Variants in BRCA2 observed in about 807,000 individuals in gnomAD.
BRCA2 encodes breast cancer type 2 susceptibility protein.
In BRCA2, 203 loss-of-function variants were observed where a neutral mutation model predicts 276.7. That is an observed-to-expected ratio of 0.73 (90% confidence interval 0.65 to 0.82). The LOEUF is 0.82. BRCA2 is among the 40% of genes least tolerant of loss of function. The pLI is 0.00. For synonymous variants in BRCA2, 1,289 were observed against 1,338.4 expected, an observed-to-expected ratio of 0.96 and a Z score of 0.81; for missense variants, 3,920 against 3,915.0, an observed-to-expected ratio of 1.00 and a Z score of -0.03.
intron 18 of BRCA2, 137 bp downstream of exon 18, chr13:32,363,670 A>C: frequency 1.1e-6 from 1 of 873,460 alleles, no homozygotes; most frequent in South Asian, 1.8e-5. Flanking sequence ...TAAAAAGCAT[A>C]TTCTTCAGAC....
intron 2 of BRCA2, 59 bp downstream of exon 2, chr13:32,316,586 T>C: frequency 6.7e-7 from 1 of 1,493,618 alleles, no homozygotes; most frequent in Non-Finnish European, 9.2e-7. Context: ...TTCTAAAAAA[T>C]GCTTGCTAAA....
rs2137499081 is a variant in BRCA2 at position 32,338,047 on chromosome 13, C to T, written c.3692C>T (p.Thr1231Ile). The change falls in exon 11 of 27, where the codon ACT (threonine) becomes ATT (isoleucine). Residue 1231 changes from threonine (T) to isoleucine (I), a missense_variant. This residue lies in a region of BRCA2 where 3,263 missense variants were observed against 3,156.9 expected (regional missense o/e 1.03). Transcript: ENST00000380152. ...SAHGTKLNVS[T>I]EALQKAVKLF... ...CATGGCACAAAACTGAATGTTTCTA[C>T]TGAAGCTCTGCAAAAAGCTGTGAAA... 6.2e-7 allele frequency: 1 copy of T among 1,611,676 alleles called. No individual in the cohort carries two copies. The highest frequency in any genetic ancestry group is 8.5e-7 in the Non-Finnish European group (1 of 1,178,888).
At chr13:32,315,843 G>A (rs1176456443) in intron 1 of BRCA2, among the ~76,000 whole-genome samples, 176 bp downstream of exon 1, 2 of 152,184 alleles carry the variant, frequency 1.3e-5, no homozygotes, top group Non-Finnish European at 2.9e-5. Flanking sequence ...TTTTCGCCAA[G>A]CAAATTCGAG....
At chr13:32,395,626 C>G (rs1455346349) in intron 25 of BRCA2, among the ~76,000 whole-genome samples, 1 of 152,138 alleles carries the variant, frequency 6.6e-6, no homozygotes, top group Admixed American at 6.6e-5. Flanking sequence ...AGAACCCAGA[C>G]TAGGAACTGC....
rs80359033 is a variant in BRCA2, at chr13:32,363,199, G to C, written c.7997G>C (p.Arg2666Thr). 1 of 1,613,634 alleles carries C rather than the reference G, an allele frequency of 6.2e-7. No homozygotes were observed. The highest frequency in any genetic ancestry group is 8.5e-7 in the Non-Finnish European group (1 of 1,179,874). The stretch of plus-strand genomic sequence containing the variant: ...TTTAGATATGATACGGAAATTGATA[G>C]AAGCAGAAGATCGGCTATAAAAAAG... ...LKYRYDTEIDRSRRSAIKKIM... is the reference protein window; with the variant it reads ...LKYRYDTEIDTSRRSAIKKIM... Residue 2666 changes from arginine to threonine, a missense_variant, in exon 18 of 27, where the codon AGA (arginine) becomes ACA (threonine). By Grantham distance (71) the Arg-to-Thr change is moderately conservative. Coordinates refer to ENST00000380152, the MANE Select transcript of BRCA2 (RefSeq NM_000059.4).
chr13:32,377,002 GA>G (rs1157713387), intron 21 of BRCA2, among the ~76,000 whole-genome samples: 2 of 152,130 alleles, frequency 1.3e-5, no homozygotes, highest in Non-Finnish European at 2.9e-5. Flanking sequence ...GAGGGTTCTA[GA>G]ATTTTATATA....
chr13:32,383,427 TG>T (rs1300792832), intron 24 of BRCA2, among the ~76,000 whole-genome samples: 1 of 151,944 alleles, frequency 6.6e-6, no homozygotes, highest in African/African-American at 2.4e-5. Flanking sequence ...TCTAAGAAAG[TG>T]GTAGAGTAAA....
At chr13:32,316,601 C>G (rs2138699021) in intron 2 of BRCA2, 74 bp downstream of exon 2, 3 of 1,232,942 alleles carry the variant, frequency 2.4e-6, no homozygotes, top group Non-Finnish European at 3.5e-6. Flanking sequence ...GCTAAAAACC[C>G]AGTACGTCAC....
At chr13:32,389,837 G>T (rs2072985223) in intron 24 of BRCA2, among the ~76,000 whole-genome samples, 1 of 152,072 alleles carries the variant, frequency 6.6e-6, no homozygotes, top group Non-Finnish European at 1.5e-5. Context: ...TCACCTGTTT[G>T]GTCCCTGGCA....
At chr13:32,349,403 G>C (rs1048604174) in intron 13 of BRCA2, among the ~76,000 whole-genome samples, 3 of 151,920 alleles carry the variant, frequency 2.0e-5, no homozygotes, top group Non-Finnish European at 4.4e-5. Context: ...ATGAAAGCTG[G>C]TGGTGGGGAC....
intron 18 of BRCA2, among the ~76,000 whole-genome samples, chr13:32,365,181 T>G (rs1260923817): frequency 6.8e-6 from 1 of 146,718 alleles, no homozygotes; most frequent in African/African-American, 2.5e-5. Context: ...GTGTTTCATT[T>G]TGTACAGATG....
At chr13:32,366,380 T>C (rs537225252) in intron 18 of BRCA2, among the ~76,000 whole-genome samples, 2 of 152,328 alleles carry the variant, frequency 1.3e-5, no homozygotes, top group South Asian at 4.1e-4. Flanking sequence ...CGTATATTTG[T>C]TGTATGTGAG....
chr13:32,320,148 GGACCAATA>G (rs778519986), intron 3 of BRCA2, among the ~76,000 whole-genome samples: 8 of 152,174 alleles, frequency 5.3e-5, no homozygotes, highest in Non-Finnish European at 8.8e-5. Flanking sequence ...TGTCTGAAAG[GGACCAATA>G]GACAAGGCAA....
rs1458368780 is a variant in BRCA2 at position 32,319,427 on chromosome 13, C to T, written c.316+102C>T. ...CATTCATTAATTGTGTCATGCTGGG[C>T]AAATCAGTCTCTCTGGCCTCTTTTT... is the stretch of plus-strand genomic sequence containing the variant. On this transcript the variant is annotated intron_variant, in intron 3 of 26. Coordinates refer to ENST00000380152, the MANE Select transcript of BRCA2 (RefSeq NM_000059.4). The T allele has an allele frequency of 3.4e-6, 4 of 1,192,680 alleles. No individual in the cohort carries two copies. In the Middle Eastern group the frequency reaches 6.5e-4, roughly 194 times the overall value. 73.9% of individuals were successfully genotyped at this position (1,192,680 alleles called of 1,614,324 possible).
At chr13:32,366,695 T>C (rs994977044) in intron 18 of BRCA2, among the ~76,000 whole-genome samples, 2 of 151,758 alleles carry the variant, frequency 1.3e-5, no homozygotes, top group African/African-American at 4.8e-5. Flanking sequence ...GATGGCATGC[T>C]CCTGTAGTCC....
intron 3 of BRCA2, 95 bp from the exon 4 acceptor site, chr13:32,324,981 T>A (rs2072332804): frequency 1.2e-6 from 1 of 837,348 alleles, no homozygotes; most frequent in Non-Finnish European, 2.0e-6. Context: ...TCATTCCCAG[T>A]ATAGAGGAGA....
At chr13:32,329,604 C>T in intron 8 of BRCA2, 112 bp downstream of exon 8, 1 of 904,342 alleles carries the variant, frequency 1.1e-6, no homozygotes, top group Admixed American at 2.2e-5. Flanking sequence ...TTATCTAAGC[C>T]TTTGAGAAAG....
In BRCA2 at chr13:32,337,090, C is replaced by G. The variant is rs276174828; in HGVS notation, c.2735C>G (p.Thr912Arg). ...ALGNTKELHE[T>R]DLTCVNEPIF... Reference sequence around the variant, plus strand: ...GGAAATACTAAGGAACTTCATGAAACAGACTTGACTTGTGTAAACGAACCC... The same window carrying G: ...GGAAATACTAAGGAACTTCATGAAAGAGACTTGACTTGTGTAAACGAACCC... The change falls in exon 11 of 27, where the codon ACA becomes AGA. Residue 912 changes from threonine to arginine, a missense_variant. This residue lies in a region of BRCA2 where 3,263 missense variants were observed against 3,156.9 expected (regional missense o/e 1.03). Transcript: ENST00000380152. 2 of 1,612,236 alleles carry G rather than the reference C, an allele frequency of 1.2e-6. No individual in the cohort carries two copies. The highest frequency in any genetic ancestry group is 2.2e-5 in the East Asian group (1 of 44,826).
At chr13:32,386,858 A>G (rs1232504875) in intron 24 of BRCA2, among the ~76,000 whole-genome samples, 2 of 152,184 alleles carry the variant, frequency 1.3e-5, no homozygotes, top group Non-Finnish European at 2.9e-5. Context: ...ACAAAGAACC[A>G]TAGACTGGGG....
Sources: gnomAD v4.1 joint callset for allele counts (sites outside exome capture counted in the v4.1 genomes callset) on GRCh38, gnomAD v4.1.1 for gene constraint, gnomAD v4.1.1 regional missense constraint, MANE v1.5 for transcripts, NCBI Gene and HGNC (gene_info 2026-07-23, HGNC 2026-07-21) for gene names.